Variants in NBPF20 observed in about 807,000 individuals in gnomAD.
NBPF20 encodes NBPF family member NBPF20.
NBPF20 carries 90 observed loss-of-function variants against 68.1 expected under a neutral mutation model. That is an observed-to-expected ratio of 1.32 (90% CI 1.11 to 1.58). NBPF20 has a LOEUF of 1.58. Ranked by LOEUF, NBPF20 falls within the 40% of genes most tolerant of loss-of-function variation. The probability of loss-of-function intolerance (pLI) is 0.00; values close to 1 mark genes in which losing one functional copy is unlikely to be tolerated. For missense variants in NBPF20, 816 were observed against 601.2 expected (o/e 1.36, Z -3.74); for synonymous variants, 290 against 228.1 (o/e 1.27, Z -2.45).
the NBPF20 span, among the ~76,000 whole-genome samples, chr1:145,415,269 G>GT: frequency 6.6e-6 from 1 of 151,834 alleles, no homozygotes. Flanking sequence ...TCCTAAGGCG[G>GT]TTTTCTCCTA....
Position 145,392,783 on chromosome 1 carries a change from G to T in NBPF20, c.1216+291C>A, listed in dbSNP as rs1367488545. Reference sequence around the variant, plus strand: ...AAATCTACAAGATCTACAAAATTGAGACAAAATCAGAGTTGTGTGAATTTG... The same window carrying T: ...AAATCTACAAGATCTACAAAATTGATACAAAATCAGAGTTGTGTGAATTTG... On this transcript the variant is annotated intron_variant, in intron 10 of 137. Coordinates refer to ENST00000369373, the Ensembl canonical transcript of NBPF20. 8.8e-5 allele frequency among the ~76,000 whole-genome samples: 8 copies of T among 90,782 alleles called. 2 individuals are homozygous for T. Among genetic ancestry groups the T allele is most frequent in the African/African-American group, 4.3e-4 (6 of 13,964 alleles). 59.6% of individuals were successfully genotyped at this position (90,782 alleles called of 152,430 possible).
intron 6 of NBPF20, among the ~76,000 whole-genome samples, chr1:145,400,128 T>G (rs1662448402): frequency 6.6e-6 from 1 of 152,218 alleles, no homozygotes; most frequent in South Asian, 2.1e-4. Context: ...CTAGTAGGCC[T>G]GACAGATACT....
At chr1:145,397,268 A>G (rs1449218383) in intron 7 of NBPF20, among the ~76,000 whole-genome samples, 1 of 151,880 alleles carries the variant, frequency 6.6e-6, no homozygotes, top group East Asian at 1.9e-4. Flanking sequence ...ATTTATAATC[A>G]TTTGGGTACA....
chr1:145,425,143 G>A, the NBPF20 span, among the ~76,000 whole-genome samples: 1 of 152,126 alleles, frequency 6.6e-6, no homozygotes, highest in Non-Finnish European at 1.5e-5. Flanking sequence ...GCGCCCAAGA[G>A]ATGAGGGCTG....
rs1259332720 is a variant in NBPF20 at position 145,378,010 on chromosome 1, C to G, written c.3464+33G>C. The G allele has an allele frequency of 1.8e-5, 9 of 499,622 alleles. 2 individuals are homozygous for G. Among genetic ancestry groups the G allele is most frequent in the Non-Finnish European group, 3.1e-5 (9 of 289,180 alleles). The allele number at this position is 499,622 out of a possible 1,614,324, so 30.9% of individuals were successfully genotyped here. A position where few individuals can be genotyped will look rare whatever the true frequency, so the allele number is the denominator to read the frequency against. Reference sequence around the variant, plus strand: ...GACCTGGCATCTCCAGGTGTCGACACAGAATTAAGCATCCATAATTGCTCA... The same window carrying G: ...GACCTGGCATCTCCAGGTGTCGACAGAGAATTAAGCATCCATAATTGCTCA... On this transcript the variant is annotated intron_variant, in intron 29 of 137. Transcript: ENST00000369373.
Position 145,393,734 on chromosome 1 carries a change from T to G in NBPF20, c.1043+150A>C, listed in dbSNP as rs1255625541. 23 of 1,510,138 alleles carry G rather than the reference T, an allele frequency of 1.5e-5. No homozygotes were observed. The East Asian group carries it at 5.2e-4, about 34-fold the overall frequency. The allele number at this position is 1,510,138 out of a possible 1,614,324, so 93.5% of individuals were successfully genotyped here. ...AAGAAATGGAAACCTAAACATGTACTCTAATGAGAACCAGAAAGCAATGTA... is the reference window on the plus strand; with the variant it reads ...AAGAAATGGAAACCTAAACATGTACGCTAATGAGAACCAGAAAGCAATGTA... On this transcript the variant is annotated intron_variant, in intron 9 of 137. Coordinates refer to ENST00000369373, the Ensembl canonical transcript of NBPF20.
chr1:145,291,505 T>C lies in NBPF20; in HGVS notation c.*21A>G, dbSNP rs367561947. 2.4e-5 allele frequency: 38 copies of C among 1,611,886 alleles called. No individual in the cohort carries two copies. In the African/African-American group the frequency reaches 4.3e-4, roughly 18 times the overall value. ...AGGTCCTGCCTGCAGGAATGACATCTCTCGGCTTAGTAAGGGCTGTTTATT... is the reference window on the plus strand; with the variant it reads ...AGGTCCTGCCTGCAGGAATGACATCCCTCGGCTTAGTAAGGGCTGTTTATT... On this transcript the variant is annotated 3_prime_UTR_variant, in exon 138 of 138. Coordinates refer to ENST00000369373, the Ensembl canonical transcript of NBPF20.
rs782495409 is a variant in NBPF20 at position 145,292,409 on chromosome 1, C to A, written c.16669G>T (p.Glu5557Ter). 6 of 689,160 alleles carry A rather than the reference C, an allele frequency of 8.7e-6. No individual in the cohort carries two copies. The highest frequency in any genetic ancestry group is 8.1e-5 in the African/African-American group (4 of 49,478). 42.7% of individuals were successfully genotyped at this position (689,160 alleles called of 1,614,324 possible). ...GGGCATGGTGGGTTTTGATCTTCTT[C>A]CCCTTCTTTTCTTCCCCTTCTTCTT... Residue 5557 changes from glutamate to a stop codon, truncating the protein, a stop_gained, in exon 137 of 138, where the codon GAA becomes TAA. Coordinates refer to ENST00000369373, the Ensembl canonical transcript of NBPF20. LOFTEE classifies it high-confidence loss of function.
intron 79 of NBPF20, among the ~76,000 whole-genome samples, chr1:145,338,012 C>G (rs1661585295): frequency 1.1e-5 from 1 of 93,988 alleles, no homozygotes; most frequent in African/African-American, 4.2e-5. Context: ...GATAGACACA[C>G]ACACACACAC....
chr1:145,403,160 G>A, intron 3 of NBPF20, 56 bp downstream of exon 8: 3 of 1,606,990 alleles, frequency 1.9e-6, no homozygotes, highest in South Asian at 2.2e-5. Flanking sequence ...CCGAGCTGCT[G>A]TATTTCAGAG....
chr1:145,395,697 A>C (rs1280747370), intron 7 of NBPF20, among the ~76,000 whole-genome samples: 1 of 149,036 alleles, frequency 6.7e-6, no homozygotes, highest in Non-Finnish European at 1.5e-5. Flanking sequence ...AACACCAAGA[A>C]ATCCCTGTTT....
chr1:145,409,914 A>T (rs1282067546), upstream of NBPF20, among the ~76,000 whole-genome samples: 1 of 151,706 alleles, frequency 6.6e-6, no homozygotes, highest in Non-Finnish European at 1.5e-5. Flanking sequence ...AACCAGTTGC[A>T]GAAGTCAAAA....
chr1:145,395,037 T>G (rs1662155800), exon 8 of NBPF20: 2 of 1,611,436 alleles, frequency 1.2e-6, no homozygotes, highest in Non-Finnish European at 1.7e-6. Flanking sequence ...TGTGCTGCTG[T>G]AAGACTGGTA....
At chr1:145,399,994 G>A (rs1489432684) in intron 6 of NBPF20, among the ~76,000 whole-genome samples, 4 of 152,146 alleles carry the variant, frequency 2.6e-5, no homozygotes, top group South Asian at 2.1e-4. Flanking sequence ...GTGAAGCCGG[G>A]GGAACAATAT....
the NBPF20 span, among the ~76,000 whole-genome samples, chr1:145,422,699 T>A: frequency 6.6e-6 from 1 of 152,140 alleles, no homozygotes; most frequent in Non-Finnish European, 1.5e-5. Flanking sequence ...TAGTAAAAAG[T>A]GAATCATAGC....
At chr1:145,407,428 CGT>C (rs1662842822), upstream of NBPF20, among the ~76,000 whole-genome samples, 2 of 144,520 alleles carry the variant, frequency 1.4e-5, no homozygotes, top group African/African-American at 5.1e-5. Context: ...CATGTATACA[CGT>C]ATACATGTAT....
At chr1:145,292,322 G>C (rs1661173115) in intron 137 of NBPF20, 59 bp downstream of exon 142, 1 of 634,350 alleles carries the variant, frequency 1.6e-6, no homozygotes, top group Non-Finnish European at 2.8e-6. Flanking sequence ...TGGTTTCCCT[G>C]AATCTGTTGC....
intron 2 of NBPF20, among the ~76,000 whole-genome samples, chr1:145,404,794 G>C (rs2101588984): frequency 6.6e-6 from 1 of 151,434 alleles, no homozygotes; most frequent in East Asian, 1.9e-4. Flanking sequence ...ATCTTATATG[G>C]TACAGAGAGG....
the NBPF20 span, among the ~76,000 whole-genome samples, chr1:145,419,865 T>G: frequency 6.6e-6 from 1 of 152,170 alleles, no homozygotes; most frequent in African/African-American, 2.4e-5. Flanking sequence ...CACAAGGTCC[T>G]GGGGAACCAA....
Sources: allele counts gnomAD v4.1 joint callset (sites outside exome capture counted in the v4.1 genomes callset), GRCh38; gene constraint gnomAD v4.1.1; transcripts MANE v1.5; gene names NCBI Gene and HGNC (gene_info 2026-07-23, HGNC 2026-07-21).